Variants in PTGFRN observed in about 807,000 individuals in gnomAD.
PTGFRN encodes the protein prostaglandin F2 receptor negative regulator.
PTGFRN carries 35 observed loss-of-function variants against 83.2 expected under a neutral mutation model. The ratio of observed to expected loss-of-function variants is 0.42; its 90% confidence interval spans 0.32 to 0.56. The LOEUF is 0.56. Ranked by LOEUF, PTGFRN falls within the 20% of genes least tolerant of loss-of-function variation. The pLI is 0.11. For synonymous variants in PTGFRN, 519 were observed against 498.6 expected, an observed-to-expected ratio of 1.04 and a Z score of -0.55; for missense variants, 1,051 against 1,179.5, an observed-to-expected ratio of 0.89 and a Z score of 1.60.
intron 5 of PTGFRN, among the ~76,000 whole-genome samples, chr1:116,966,243 A>G (rs1238295419): frequency 6.6e-6 from 1 of 152,270 alleles, no homozygotes; most frequent in Non-Finnish European, 1.5e-5. Context: ...ACTTAAACCT[A>G]AAGTTAGCGT....
chr1:116,939,200 A>G (rs547199671), intron 1 of PTGFRN, among the ~76,000 whole-genome samples: 42 of 152,356 alleles, frequency 2.8e-4, no homozygotes, highest in African/African-American at 9.6e-4. Flanking sequence ...CCACTAGGCC[A>G]TGCCCCAGTA....
chr1:116,911,373 T>C lies in PTGFRN; in HGVS notation c.49+1121T>C, dbSNP rs183627767. On this transcript the variant is annotated intron_variant, in intron 1 of 8. Transcript: ENST00000393203. ...AGGGCAAATGATTACTCTGCACTTA[T>C]GGTCAGAGGGTTCCAGAGGAGGCCT... Among the ~76,000 whole-genome samples, 18 of 152,336 alleles carry C rather than the reference T, an allele frequency of 1.2e-4. No homozygotes were observed. The South Asian group carries it at 3.1e-3, about 26-fold the overall frequency.
chr1:116,944,708 A>C lies in PTGFRN; in HGVS notation c.448A>C (p.Ser150Arg). 7.0e-7 allele frequency: 1 copy of C among 1,418,994 alleles called. No homozygotes were observed. Among genetic ancestry groups the C allele is most frequent in the Non-Finnish European group, 9.2e-7 (1 of 1,091,748 alleles). 87.9% of individuals were successfully genotyped at this position (1,418,994 alleles called of 1,614,324 possible). The change falls in exon 3 of 9, where the codon AGC (serine) becomes CGC (arginine). Residue 150 changes from serine to arginine, a missense_variant. Around this residue, in one of 3 missense-constraint regions of PTGFRN, gnomAD observed 205 missense variants for 174.5 expected, o/e 1.17. Coordinates refer to ENST00000393203, the MANE Select transcript of PTGFRN (RefSeq NM_020440.4). ...VLADSLHVGP[S>R]ARPPPSLSLR... ...GGCCGACTCCCTGCACGTGGGCCCC[A>C]GCGCGCGGCCCCCGCCGAGCCTGAG...
rs563231310 is a variant in PTGFRN at position 116,939,594 on chromosome 1, A to G, written c.50-2121A>G. The stretch of plus-strand genomic sequence containing the variant: ...GGAAGGGCTGCCATGAAAACCTCTG[A>G]CATGCCCTGGAGACATTTTCCCCAT... On this transcript the variant is annotated intron_variant, in intron 1 of 8. Coordinates refer to ENST00000393203, the MANE Select transcript of PTGFRN (RefSeq NM_020440.4). Among the ~76,000 whole-genome samples, 193 of 152,326 alleles carry G rather than the reference A, an allele frequency of 1.3e-3. 1 individual carries two copies. Among genetic ancestry groups the G allele is most frequent in the African/African-American group, 4.5e-3 (188 of 41,570 alleles).
At chr1:116,942,488 T>G (rs1451535906) in intron 2 of PTGFRN, among the ~76,000 whole-genome samples, 2 of 152,172 alleles carry the variant, frequency 1.3e-5, no homozygotes, top group South Asian at 2.1e-4. Context: ...CTCTGTAACC[T>G]TAAAGGTTGT....
intron 6 of PTGFRN, among the ~76,000 whole-genome samples, chr1:116,970,227 G>T (rs1032532449): frequency 6.6e-6 from 1 of 152,112 alleles, no homozygotes; most frequent in African/African-American, 2.4e-5. Flanking sequence ...CATGTTCACT[G>T]TGGGATTTTC....
In PTGFRN at chr1:116,941,578, T is replaced by C. The variant is rs902704686; in HGVS notation, c.50-137T>C. The C allele has an allele frequency of 8.3e-6, 10 of 1,209,708 alleles. No individual in the cohort carries two copies. Among genetic ancestry groups the C allele is most frequent in the Non-Finnish European group, 1.1e-5 (10 of 870,882 alleles). 74.9% of individuals were successfully genotyped at this position (1,209,708 alleles called of 1,614,324 possible). A position where few individuals can be genotyped will look rare whatever the true frequency, so the allele number is the denominator to read the frequency against. On this transcript the variant is annotated intron_variant, in intron 1 of 8. Coordinates refer to ENST00000393203, the MANE Select transcript of PTGFRN (RefSeq NM_020440.4). The surrounding 1 kb of genome is among the most constrained non-coding windows in gnomAD (Gnocchi z 5.0). Reference sequence around the variant, plus strand: ...TAAGGGTTAGGCTTAACCTTCTGCATAGATACATTTTCCCTAGTAGTTTGG... The same window carrying C: ...TAAGGGTTAGGCTTAACCTTCTGCACAGATACATTTTCCCTAGTAGTTTGG...
At position 116,955,534 on chromosome 1, in the gene PTGFRN, C is replaced by G. The variant is rs918523295; in HGVS notation, c.1214-5709C>G. Among the ~76,000 whole-genome samples, 3 of 152,086 alleles carry G rather than the reference C, an allele frequency of 2.0e-5. No homozygotes were observed. The East Asian group carries it at 5.8e-4, about 29-fold the overall frequency. On this transcript the variant is annotated intron_variant, in intron 4 of 8. Coordinates refer to ENST00000393203, the MANE Select transcript of PTGFRN (RefSeq NM_020440.4). ...AGAGTATAAAGTATATCCCAGACATCATGTCATTTTACTGTTAAACACTTT... is the reference window on the plus strand; with the variant it reads ...AGAGTATAAAGTATATCCCAGACATGATGTCATTTTACTGTTAAACACTTT...
intron 1 of PTGFRN, among the ~76,000 whole-genome samples, chr1:116,914,169 C>G (rs1381542246): frequency 6.6e-6 from 1 of 152,216 alleles, no homozygotes; most frequent in African/African-American, 2.4e-5. Flanking sequence ...GTTCTGCTGT[C>G]TTCAACTCAC....
At chr1:116,970,190 C>T (rs556554294) in intron 6 of PTGFRN, among the ~76,000 whole-genome samples, 3 of 152,250 alleles carry the variant, frequency 2.0e-5, no homozygotes, top group Admixed American at 1.3e-4. Context: ...AGGGGGAAAG[C>T]GTTCAGTCTC....
chr1:116,988,688 G>T lies in PTGFRN; in HGVS notation c.*1721G>T, dbSNP rs937303259. 1.8e-4 allele frequency: 28 copies of T among 152,936 alleles called. No individual in the cohort carries two copies. The highest frequency in any genetic ancestry group is 6.8e-4 in the African/African-American group (28 of 41,456). The allele number at this position is 152,936 out of a possible 1,614,324, so 9.5% of individuals were successfully genotyped here. On this transcript the variant is annotated 3_prime_UTR_variant, in exon 9 of 9. Coordinates refer to ENST00000393203, the MANE Select transcript of PTGFRN (RefSeq NM_020440.4). ...CACCATTTCCCCCTGCTCCCCCACAGCCGGTTCTGCACTTATCACCGAGTC... is the reference window on the plus strand; with the variant it reads ...CACCATTTCCCCCTGCTCCCCCACATCCGGTTCTGCACTTATCACCGAGTC...
At chr1:116,915,668 C>T (rs554576561) in intron 1 of PTGFRN, among the ~76,000 whole-genome samples, 1 of 152,290 alleles carries the variant, frequency 6.6e-6, no homozygotes, top group South Asian at 2.1e-4. Context: ...TGATTTTCCC[C>T]CCGTAGATTG....
At chr1:116,911,803 C>T (rs114872316) in intron 1 of PTGFRN, among the ~76,000 whole-genome samples, 1,819 of 152,296 alleles carry the variant, frequency 0.012, 33 homozygotes, top group African/African-American at 0.042. Flanking sequence ...CCACCACACC[C>T]GGTGGTAGTG....
At chr1:116,919,856 T>G (rs115160569) in intron 1 of PTGFRN, among the ~76,000 whole-genome samples, 2,447 of 152,372 alleles carry the variant, frequency 0.016, 60 homozygotes, top group African/African-American at 0.056. Context: ...ACAGGAGGCT[T>G]GGATTTTGGC....
chr1:116,914,767 GA>G (rs1417491526), intron 1 of PTGFRN, among the ~76,000 whole-genome samples: 13 of 151,372 alleles, frequency 8.6e-5, no homozygotes, highest in Non-Finnish European at 1.8e-4. Flanking sequence ...AAAAAAAAAG[GA>G]AAAAAATGTG....
At chr1:116,929,736 T>C (rs1290970070) in intron 1 of PTGFRN, among the ~76,000 whole-genome samples, 2 of 152,214 alleles carry the variant, frequency 1.3e-5, no homozygotes, top group Non-Finnish European at 2.9e-5. Context: ...TCACTGTCTC[T>C]TTCCTAGAAC....
Position 116,961,255 on chromosome 1 carries a change from A to G in PTGFRN, c.1226A>G (p.Gln409Arg). 3 of 1,512,628 alleles carry G rather than the reference A, an allele frequency of 2.0e-6. No individual in the cohort carries two copies. The highest frequency in any genetic ancestry group is 2.3e-5 in the East Asian group (1 of 43,942). 93.7% of individuals were successfully genotyped at this position (1,512,628 alleles called of 1,614,324 possible). The change falls in exon 5 of 9, where the codon CAG becomes CGG. Residue 409 changes from glutamine to arginine, a missense_variant. Gln to Arg is a conservative substitution (Grantham distance 43). Transcript: ENST00000393203. This position sits in a 1 kb window ranked among gnomAD's most constrained non-coding sequence, Gnocchi z 5.4. ...VGVTWLEPDY[Q>R]VYLNASKVPG... ...GTCTCTCGTTCAGAACCAGACTACC[A>G]GGTGTACCTGAATGCTTCCAAGGTC...
At position 116,967,231 on chromosome 1, in the gene PTGFRN, C is replaced by T. The variant is rs1468798632; in HGVS notation, c.1960C>T (p.Arg654Cys). 1 of 1,614,130 alleles carries T rather than the reference C, an allele frequency of 6.2e-7. No individual in the cohort carries two copies. ...QTQVSDAGLY[R>C]CMVTAWSPVR... ...TCAGGTCTCAGACGCAGGGCTGTACCGCTGCATGGTGACAGCCTGGTCTCC... is the reference window on the plus strand; with the variant it reads ...TCAGGTCTCAGACGCAGGGCTGTACTGCTGCATGGTGACAGCCTGGTCTCC... Residue 654 changes from arginine to cysteine, a missense_variant, in exon 6 of 9, where the codon CGC (arginine) becomes TGC (cysteine). Transcript: ENST00000393203.
At position 116,923,487 on chromosome 1, in the gene PTGFRN, T is replaced by C. The variant is rs1649586531; in HGVS notation, c.49+13235T>C. ...CCTGTGGATTTTCTCGTTTTTTTCC[T>C]TGGCAGCTTGGGTGGAAGACAGATG... On this transcript the variant is annotated intron_variant, in intron 1 of 8. Transcript: ENST00000393203. The surrounding 1 kb of genome is among the most constrained non-coding windows in gnomAD (Gnocchi z 4.0). 6.6e-6 allele frequency among the ~76,000 whole-genome samples: 1 copy of C among 152,194 alleles called. No individual in the cohort carries two copies. The highest frequency in any genetic ancestry group is 2.4e-5 in the African/African-American group (1 of 41,450).
Sources: allele counts gnomAD v4.1 joint callset (sites outside exome capture counted in the v4.1 genomes callset), GRCh38; gene constraint gnomAD v4.1.1; regional missense constraint gnomAD v4.1.1; non-coding constraint Gnocchi (gnomAD v3.1); transcripts MANE v1.5; gene names NCBI Gene and HGNC (gene_info 2026-07-23, HGNC 2026-07-21).